RAPGEF1: variants seen among roughly 807,000 people sequenced by gnomAD.
The protein encoded by RAPGEF1 is Rap guanine nucleotide exchange factor 1, also known as CRK SH3-binding GNRP.
In RAPGEF1, 33 loss-of-function variants were observed where a neutral mutation model predicts 143.3. The ratio of observed to expected loss-of-function variants is 0.23; its 90% confidence interval spans 0.17 to 0.31. The LOEUF (loss-of-function observed/expected upper bound fraction) is 0.31, where lower values mean the gene tolerates loss of function less well. Among genes scored for constraint, RAPGEF1 ranks in the 10% least tolerant of loss-of-function variants. The pLI, the probability that RAPGEF1 is intolerant of heterozygous loss-of-function variation, is 1.00. For synonymous variants in RAPGEF1, 629 were observed against 676.5 expected, an observed-to-expected ratio of 0.93 and a Z score of 1.09; for missense variants, 1,199 against 1,645.4, an observed-to-expected ratio of 0.73 and a Z score of 4.69.
At chr9:131,612,271 T>C (rs146105772) in intron 12 of RAPGEF1, among the ~76,000 whole-genome samples, 253 of 152,294 alleles carry the variant, frequency 1.7e-3, no homozygotes, top group African/African-American at 5.5e-3. Flanking sequence ...ACATGACAGT[T>C]TGCCTGTCAT....
At chr9:131,739,562 C>T (rs1837622352) in intron 1 of RAPGEF1, among the ~76,000 whole-genome samples, 1 of 150,492 alleles carries the variant, frequency 6.6e-6, no homozygotes, top group Non-Finnish European at 1.5e-5. Flanking sequence ...GCCCCTGGCG[C>T]CCCCGCAGCG....
chr9:131,650,743 A>G lies in RAPGEF1; in HGVS notation c.201+67T>C. On this transcript the variant is annotated intron_variant, in intron 2 of 26. Coordinates refer to ENST00000683357, the MANE Select transcript of RAPGEF1 (RefSeq NM_001377935.1). This position sits in a 1 kb window ranked among gnomAD's most constrained non-coding sequence, Gnocchi z 4.7. Reference sequence around the variant, plus strand: ...AGCTCAATCCCCAGGGAGGGAACATACAAATCGCACAAACTCATATTGCTG... The same window carrying G: ...AGCTCAATCCCCAGGGAGGGAACATGCAAATCGCACAAACTCATATTGCTG... The G allele has an allele frequency of 1.3e-6, 2 of 1,577,010 alleles. No individual in the cohort carries two copies. The highest frequency in any genetic ancestry group is 1.7e-6 in the Non-Finnish European group (2 of 1,160,240).
chr9:131,708,230 T>C (rs1329379169), intron 1 of RAPGEF1, among the ~76,000 whole-genome samples: 1 of 152,234 alleles, frequency 6.6e-6, no homozygotes, highest in Non-Finnish European at 1.5e-5. Context: ...CACCCATATA[T>C]GCAGTTGTGA....
intron 10 of RAPGEF1, among the ~76,000 whole-genome samples, chr9:131,623,828 T>G (rs1320471585): frequency 6.6e-6 from 1 of 152,194 alleles, no homozygotes; most frequent in East Asian, 1.9e-4. Flanking sequence ...GTCGTGACAT[T>G]GGGACTGAGC....
At chr9:131,717,972 G>A (rs759011540) in intron 1 of RAPGEF1, among the ~76,000 whole-genome samples, 3 of 152,060 alleles carry the variant, frequency 2.0e-5, no homozygotes, top group Non-Finnish European at 1.5e-5. Context: ...TCTTCCAATC[G>A]AGTACTCCCC....
At chr9:131,665,506 C>T (rs576817357) in intron 1 of RAPGEF1, among the ~76,000 whole-genome samples, 16 of 152,232 alleles carry the variant, frequency 1.1e-4, no homozygotes, top group Admixed American at 6.5e-5. Context: ...TTGCCCTCCC[C>T]ATTCTCAACT....
rs567506863 is a variant in RAPGEF1, at chr9:131,630,775, G to C, written c.652-451C>G. ...AGGTGTGGTGGAGCTGCTAGCTGGT[G>C]GGGGTGGGGTGAGGGCTGGCTGGGA... On this transcript the variant is annotated intron_variant, in intron 5 of 26. Coordinates refer to ENST00000683357, the MANE Select transcript of RAPGEF1 (RefSeq NM_001377935.1). Among the ~76,000 whole-genome samples the C allele has an allele frequency of 2.0e-3, 308 of 152,150 alleles. 1 individual carries two copies. Among genetic ancestry groups the C allele is most frequent in the Admixed American group, 3.9e-3 (59 of 15,290 alleles).
At position 131,650,706 on chromosome 9, in the gene RAPGEF1, T is replaced by C; in HGVS notation, c.201+104A>G. ...CCCATGGAATGCTACGAAGTAGGTA[T>C]GATGCACTGAAAGCTCAATCCCCAG... On this transcript the variant is annotated intron_variant, in intron 2 of 26. Coordinates refer to ENST00000683357, the MANE Select transcript of RAPGEF1 (RefSeq NM_001377935.1). The surrounding 1 kb of genome is among the most constrained non-coding windows in gnomAD (Gnocchi z 4.7). 1 of 1,467,902 alleles carries C rather than the reference T, an allele frequency of 6.8e-7. No individual in the cohort carries two copies. Among genetic ancestry groups the C allele is most frequent in the Non-Finnish European group, 9.3e-7 (1 of 1,079,586 alleles). 90.9% of individuals were successfully genotyped at this position (1,467,902 alleles called of 1,614,324 possible). A position where few individuals can be genotyped will look rare whatever the true frequency, so the allele number is the denominator to read the frequency against.
At chr9:131,600,076 A>G (rs1026548710) in intron 15 of RAPGEF1, among the ~76,000 whole-genome samples, 4 of 151,942 alleles carry the variant, frequency 2.6e-5, no homozygotes, top group Non-Finnish European at 5.9e-5. Flanking sequence ...AGATCGCACC[A>G]CTGCACTCCA....
chr9:131,605,747 TTTTC>T (rs893124928), intron 12 of RAPGEF1, among the ~76,000 whole-genome samples: 23 of 142,816 alleles, frequency 1.6e-4, no homozygotes, highest in Non-Finnish European at 2.1e-4. Context: ...TACCCCATTT[TTTTC>T]TTTCTTTCTT....
chr9:131,588,754 GC>G, intron 20 of RAPGEF1, 46 bp downstream of exon 20: 1 of 1,547,806 alleles, frequency 6.5e-7, no homozygotes, highest in Non-Finnish European at 8.8e-7. Context: ...ACTGAGAAAG[GC>G]ACGGCTCCTG....
intron 10 of RAPGEF1, among the ~76,000 whole-genome samples, chr9:131,622,789 CAG>C (rs1218143449): frequency 5.4e-5 from 8 of 146,962 alleles, no homozygotes; most frequent in Non-Finnish European, 3.0e-5. Flanking sequence ...TTTTTTGAGA[CAG>C]AGTTTCGCTC....
intron 12 of RAPGEF1, among the ~76,000 whole-genome samples, chr9:131,610,603 C>T (rs1232534897): frequency 1.3e-5 from 2 of 152,090 alleles, no homozygotes; most frequent in African/African-American, 4.8e-5. Context: ...AATTTTTATC[C>T]CTCATTTGTG....
At chr9:131,589,024 G>T in intron 19 of RAPGEF1, 38 bp from the exon 20 acceptor site, 1 of 1,590,056 alleles carries the variant, frequency 6.3e-7, no homozygotes, top group Admixed American at 1.7e-5. Flanking sequence ...GAGCAGGAAC[G>T]CAAGGCCCAG....
intron 12 of RAPGEF1, among the ~76,000 whole-genome samples, chr9:131,611,086 T>C (rs1957962532): frequency 6.6e-6 from 1 of 152,212 alleles, no homozygotes; most frequent in Non-Finnish European, 1.5e-5. Context: ...ACAATAACTA[T>C]ACCTTACATA....
At chr9:131,706,276 T>G (rs1365152947) in intron 1 of RAPGEF1, among the ~76,000 whole-genome samples, 1 of 152,016 alleles carries the variant, frequency 6.6e-6, no homozygotes, top group African/African-American at 2.4e-5. Flanking sequence ...TTCTTTTTTT[T>G]TTTGAAACAG....
In RAPGEF1 at chr9:131,589,954, G is replaced by C; in HGVS notation, c.2799C>G (p.Ala933=). 1 of 1,613,636 alleles carries C rather than the reference G, an allele frequency of 6.2e-7. No homozygotes were observed. Among genetic ancestry groups the C allele is most frequent in the East Asian group, 2.2e-5 (1 of 44,870 alleles). Residue 933 remains alanine, a synonymous_variant, in exon 19 of 27, where the codon GCC becomes GCG. Transcript: ENST00000683357. ...TGCTGACGCGCTTCTTGAATGTGTC[G>C]GCAAAGGGAGAGAATTTCTCATATG... ...QYRYEKFSPF[A]DTFKKRVSKN... is the part of the protein sequence containing the mutation.
At chr9:131,710,960 C>T (rs1835462594) in intron 1 of RAPGEF1, among the ~76,000 whole-genome samples, 3 of 152,166 alleles carry the variant, frequency 2.0e-5, no homozygotes, top group East Asian at 1.9e-4. Context: ...AGTCTCACCT[C>T]CTCAGCTGTA....
chr9:131,734,207 C>G (rs1012855471), intron 1 of RAPGEF1, among the ~76,000 whole-genome samples: 6 of 152,082 alleles, frequency 3.9e-5, no homozygotes, highest in African/African-American at 9.7e-5. Context: ...TCTATAAAGG[C>G]AAGAAAGGGG....
Sources: allele counts gnomAD v4.1 joint callset (sites outside exome capture counted in the v4.1 genomes callset), GRCh38; gene constraint gnomAD v4.1.1; non-coding constraint Gnocchi (gnomAD v3.1); transcripts MANE v1.5; gene names NCBI Gene and HGNC (gene_info 2026-07-23, HGNC 2026-07-21).